Variants in TRAPPC9 observed in about 807,000 individuals in gnomAD.
TRAPPC9 encodes IKK2 binding protein.
A neutral mutation model predicts 124.0 loss-of-function variants in TRAPPC9; 83 were observed. That is an observed-to-expected ratio of 0.67 (90% confidence interval 0.56 to 0.80). The LOEUF (loss-of-function observed/expected upper bound fraction) is 0.80. Among genes scored for constraint, TRAPPC9 ranks in the 30% least tolerant of loss-of-function variants. The probability of loss-of-function intolerance (pLI) is 0.00; values close to 1 mark genes in which losing one functional copy is unlikely to be tolerated. For missense variants in TRAPPC9, 1,302 were observed against 1,508.3 expected, an observed-to-expected ratio of 0.86 and a Z score of 2.27; for synonymous variants, 638 against 617.5, an observed-to-expected ratio of 1.03 and a Z score of -0.49.
intron 7 of TRAPPC9, among the ~76,000 whole-genome samples, chr8:140,379,131 C>T (rs1049324767): frequency 4.0e-5 from 6 of 150,792 alleles, no homozygotes; most frequent in African/African-American, 1.5e-4. Context: ...AAAAACATTG[C>T]TCAGTCCATG....
intron 20 of TRAPPC9, among the ~76,000 whole-genome samples, chr8:139,903,529 G>A (rs889291711): frequency 6.6e-6 from 1 of 152,168 alleles, no homozygotes; most frequent in Non-Finnish European, 1.5e-5. Flanking sequence ...AAATGAAAGG[G>A]TGAGTTGACC....
intron 21 of TRAPPC9, among the ~76,000 whole-genome samples, chr8:139,765,622 TG>T (rs1211685883): frequency 6.6e-6 from 1 of 152,184 alleles, no homozygotes; most frequent in African/African-American, 2.4e-5. Context: ...GGTGAAGTGG[TG>T]GCAGGCTCCA....
intron 7 of TRAPPC9, 125 bp from the exon 8 acceptor site, chr8:140,371,305 G>A: frequency 1.8e-6 from 2 of 1,085,132 alleles, no homozygotes; most frequent in Non-Finnish European, 2.7e-6. Flanking sequence ...TCAAGGAGAG[G>A]GAAAGCCTGG....
At chr8:140,075,985 TGCTAATAATAACA>T (rs1843485184) in intron 17 of TRAPPC9, among the ~76,000 whole-genome samples, 1 of 152,186 alleles carries the variant, frequency 6.6e-6, no homozygotes, top group South Asian at 2.1e-4. Context: ...AGAAGAGCAG[TGCTAATAATAACA>T]GCTAACAGGA....
At chr8:140,349,409 GGAAGGGCACACAGC>G (rs2067470932) in intron 9 of TRAPPC9, among the ~76,000 whole-genome samples, 1 of 143,880 alleles carries the variant, frequency 7.0e-6, no homozygotes, top group Non-Finnish European at 1.5e-5. Context: ...GGCGCGCGAG[GGAAGGGCACACAGC>G]GGGGCCGATG....
chr8:140,433,887 C>T (rs900567116), intron 4 of TRAPPC9, among the ~76,000 whole-genome samples: 2 of 152,216 alleles, frequency 1.3e-5, no homozygotes, highest in Admixed American at 1.3e-4. Flanking sequence ...AGAGGCTGCT[C>T]CCTTTGACCT....
chr8:140,366,413 T>C (rs1167448083), intron 8 of TRAPPC9, among the ~76,000 whole-genome samples: 1 of 152,100 alleles, frequency 6.6e-6, no homozygotes, highest in African/African-American at 2.4e-5. Flanking sequence ...AGCCCAGAAA[T>C]AGAATCTCCT....
intron 17 of TRAPPC9, among the ~76,000 whole-genome samples, chr8:140,159,894 G>A (rs1198523864): frequency 6.6e-6 from 1 of 152,118 alleles, no homozygotes; most frequent in Non-Finnish European, 1.5e-5. Flanking sequence ...CCCTGTTTTA[G>A]AAGTTCCTGC....
intron 17 of TRAPPC9, among the ~76,000 whole-genome samples, chr8:140,183,506 G>C (rs2062254803): frequency 6.6e-6 from 1 of 152,204 alleles, no homozygotes; most frequent in South Asian, 2.1e-4. Context: ...TGAATTGAAA[G>C]GGTCTGAGAA....
chr8:140,167,515 C>T lies in TRAPPC9; in HGVS notation c.2556+53944G>A, dbSNP rs544805122. 1.2e-4 allele frequency among the ~76,000 whole-genome samples: 18 copies of T among 152,280 alleles called. 1 individual carries two copies. The South Asian group carries it at 3.7e-3, about 32-fold the overall frequency. ...AGGGTGGAAACGGAGGTTCTGAGGG[C>T]TGACTGAGGCCATACAGCTGGCAGC... On this transcript the variant is annotated intron_variant, in intron 17 of 22. Transcript: ENST00000438773.
At chr8:140,384,784 A>C (rs2068708712) in intron 7 of TRAPPC9, among the ~76,000 whole-genome samples, 1 of 152,008 alleles carries the variant, frequency 6.6e-6, no homozygotes, top group Admixed American at 6.6e-5. Context: ...AACAAGGATA[A>C]CCAGGAATTG....
At chr8:140,367,819 G>C (rs991981140) in intron 8 of TRAPPC9, among the ~76,000 whole-genome samples, 1 of 152,292 alleles carries the variant, frequency 6.6e-6, no homozygotes, top group African/African-American at 2.4e-5. Context: ...AAGTCTGTGC[G>C]TCTGCAAGGG....
intron 17 of TRAPPC9, among the ~76,000 whole-genome samples, chr8:140,114,766 C>A (rs1003487722): frequency 6.6e-6 from 1 of 152,022 alleles, no homozygotes; most frequent in African/African-American, 2.4e-5. Context: ...TCCTCGGAAA[C>A]AGAAAAAGTT....
chr8:140,272,441 G>A (rs1563904770), intron 15 of TRAPPC9, among the ~76,000 whole-genome samples: 4 of 151,458 alleles, frequency 2.6e-5, no homozygotes, highest in Non-Finnish European at 4.4e-5. Context: ...GGTAGTGATG[G>A]TGGTGCTGGT....
At chr8:139,774,561 C>G (rs965748481) in intron 21 of TRAPPC9, among the ~76,000 whole-genome samples, 1 of 152,180 alleles carries the variant, frequency 6.6e-6, no homozygotes, top group African/African-American at 2.4e-5. Context: ...GCGACAGCAG[C>G]TGTGCCGCGT....
chr8:139,980,705 C>A (rs547296495), intron 19 of TRAPPC9, among the ~76,000 whole-genome samples: 1 of 152,342 alleles, frequency 6.6e-6, no homozygotes, highest in African/African-American at 2.4e-5. Flanking sequence ...GAAGCCAGCT[C>A]GGGGCGGAGT....
chr8:140,227,964 C>T (rs2063494235), intron 16 of TRAPPC9, among the ~76,000 whole-genome samples: 1 of 152,202 alleles, frequency 6.6e-6, no homozygotes, highest in Admixed American at 6.5e-5. Context: ...ATTTCAGTCC[C>T]CACACTGAGC....
chr8:140,337,378 A>G (rs2067070787), intron 9 of TRAPPC9, among the ~76,000 whole-genome samples: 1 of 152,192 alleles, frequency 6.6e-6, no homozygotes, highest in Admixed American at 6.5e-5. Context: ...CTACATCCAG[A>G]AGGTGCTGCA....
intron 20 of TRAPPC9, among the ~76,000 whole-genome samples, chr8:139,894,581 CT>C (rs1830550933): frequency 6.6e-6 from 1 of 152,166 alleles, no homozygotes; most frequent in South Asian, 2.1e-4. Flanking sequence ...TGCTGCTTCT[CT>C]TTCCCTTGCA....
Sources: allele counts gnomAD v4.1 joint callset (sites outside exome capture counted in the v4.1 genomes callset), GRCh38; gene constraint gnomAD v4.1.1; transcripts MANE v1.5; gene names NCBI Gene and HGNC (gene_info 2026-07-23, HGNC 2026-07-21).